The following RANBP2 variants were observed in gnomAD, a reference collection of about 807,000 sequenced individuals.
The protein encoded by RANBP2 is RAN binding protein 2.
Under a neutral mutation model 303.6 loss-of-function variants are expected in RANBP2, and 57 were observed. The ratio of observed to expected loss-of-function variants is 0.19; its 90% confidence interval spans 0.15 to 0.23. RANBP2 has a LOEUF of 0.23. Among genes scored for constraint, RANBP2 ranks in the 10% least tolerant of loss-of-function variants. The probability of loss-of-function intolerance (pLI) is 1.00; values close to 1 mark genes in which losing one functional copy is unlikely to be tolerated. For missense variants in RANBP2, 3,138 were observed against 3,780.8 expected, an observed-to-expected ratio of 0.83 and a Z score of 4.46; for synonymous variants, 1,167 against 1,301.5, an observed-to-expected ratio of 0.90 and a Z score of 2.23.
the RANBP2 span, among the ~76,000 whole-genome samples, chr2:109,355,927 T>G: frequency 3.3e-5 from 5 of 152,350 alleles, no homozygotes; most frequent in East Asian, 9.6e-4. Flanking sequence ...CAGAGTCCTG[T>G]TGTGATCTAG....
chr2:109,028,350 TG>T, the RANBP2 span, among the ~76,000 whole-genome samples: 5 of 152,214 alleles, frequency 3.3e-5, no homozygotes, highest in African/African-American at 1.2e-4. Context: ...TCAGGGCTAA[TG>T]GAAAGTACAA....
chr2:109,436,462 G>A, the RANBP2 span, among the ~76,000 whole-genome samples: 2 of 152,194 alleles, frequency 1.3e-5, no homozygotes, highest in Admixed American at 6.5e-5. Context: ...CAGATGCGAG[G>A]TGGCAGTCGT....
chr2:109,613,582 C>T, the RANBP2 span: 1 of 271,106 alleles, frequency 3.7e-6, no homozygotes, highest in Non-Finnish European at 6.8e-6. Context: ...CCGCGCCCCG[C>T]GAACCGGGGT....
At chr2:109,209,503 G>A in the RANBP2 span, among the ~76,000 whole-genome samples, 2 of 152,140 alleles carry the variant, frequency 1.3e-5, no homozygotes, top group African/African-American at 4.8e-5. Context: ...GAGCAGGCCT[G>A]GGTACAGCAA....
the RANBP2 span, among the ~76,000 whole-genome samples, chr2:109,337,057 A>G: frequency 1.3e-5 from 2 of 152,268 alleles, no homozygotes; most frequent in Non-Finnish European, 2.9e-5. Flanking sequence ...TTTTTAACAT[A>G]ATAGCAAACC....
At chr2:109,422,551 G>A in the RANBP2 span, among the ~76,000 whole-genome samples, 17 of 152,284 alleles carry the variant, frequency 1.1e-4, no homozygotes, top group Admixed American at 7.8e-4. Context: ...GCATGGAGGC[G>A]ACTGTGAGTC....
At chr2:109,650,464 G>A in the RANBP2 span, among the ~76,000 whole-genome samples, 1 of 152,340 alleles carries the variant, frequency 6.6e-6, no homozygotes, top group Admixed American at 6.5e-5. Flanking sequence ...GACAGCTGGA[G>A]ATGCTATCTG....
the RANBP2 span, among the ~76,000 whole-genome samples, chr2:109,135,117 A>T: frequency 2.0e-5 from 3 of 152,184 alleles, no homozygotes; most frequent in African/African-American, 7.2e-5. Flanking sequence ...TCCCATGACA[A>T]CACCCAGTAG....
At chr2:109,687,789 A>T in the RANBP2 span, among the ~76,000 whole-genome samples, 197 of 140,370 alleles carry the variant, frequency 1.4e-3, no homozygotes, top group African/African-American at 4.4e-3. Context: ...GTTGCTGAGG[A>T]TGGAGTGCAG....
At chr2:109,544,558 C>G in the RANBP2 span, 20 of 944,496 alleles carry the variant, frequency 2.1e-5, no homozygotes, top group Non-Finnish European at 2.5e-5. Flanking sequence ...TCAAGTGGAG[C>G]AGGGTGATAA....
the RANBP2 span, among the ~76,000 whole-genome samples, chr2:109,485,649 A>T: frequency 6.6e-6 from 1 of 152,256 alleles, no homozygotes; most frequent in Non-Finnish European, 1.5e-5. Flanking sequence ...TCCTTTTTAA[A>T]TATCAGATTT....
At chr2:109,109,428 A>G in the RANBP2 span, among the ~76,000 whole-genome samples, 1 of 152,212 alleles carries the variant, frequency 6.6e-6, no homozygotes, top group Non-Finnish European at 1.5e-5. Context: ...CAGGACCTTA[A>G]TGGCATTTTA....
At chr2:109,181,191 G>A in the RANBP2 span, among the ~76,000 whole-genome samples, 1 of 152,110 alleles carries the variant, frequency 6.6e-6, no homozygotes, top group Non-Finnish European at 1.5e-5. Flanking sequence ...AAATAAACCT[G>A]TTATTTGGGA....
the RANBP2 span, among the ~76,000 whole-genome samples, chr2:109,063,496 G>A: frequency 6.6e-6 from 1 of 152,168 alleles, no homozygotes; most frequent in African/African-American, 2.4e-5. Context: ...AGGCCCCCGC[G>A]TGGCTGCAAG....
the RANBP2 span, among the ~76,000 whole-genome samples, chr2:108,951,284 A>G: frequency 6.6e-6 from 1 of 152,162 alleles, no homozygotes; most frequent in Admixed American, 6.5e-5. Context: ...TGTAATTCCA[A>G]TGACCACACT....
chr2:108,772,622 GTCT>G (rs1175392449), intron 22 of RANBP2, 41 bp downstream of exon 22: 14 of 1,547,732 alleles, frequency 9.0e-6, no homozygotes, highest in Non-Finnish European at 1.2e-5. Context: ...CTTTTAACAA[GTCT>G]TCTATTTAGA....
chr2:109,246,703 G>T, the RANBP2 span, among the ~76,000 whole-genome samples: 1 of 152,208 alleles, frequency 6.6e-6, no homozygotes, highest in Non-Finnish European at 1.5e-5. Flanking sequence ...TCGTCCTAAG[G>T]CTGGATGTCT....
the RANBP2 span, among the ~76,000 whole-genome samples, chr2:109,015,747 G>T: frequency 1.3e-5 from 2 of 152,062 alleles, no homozygotes; most frequent in African/African-American, 4.8e-5. Context: ...GACAGAGCAA[G>T]ACTCTGTCTC....
chr2:109,585,643 T>C, the RANBP2 span: 1 of 953,784 alleles, frequency 1.0e-6, no homozygotes, highest in African/African-American at 1.6e-5. Flanking sequence ...ACATGAGCAT[T>C]GTTCTGCCCA....
Sources: gnomAD v4.1 joint callset for allele counts (sites outside exome capture counted in the v4.1 genomes callset) on GRCh38, gnomAD v4.1.1 for gene constraint, MANE v1.5 for transcripts, NCBI Gene and HGNC (gene_info 2026-07-23, HGNC 2026-07-21) for gene names.